The following DDX23 variants were observed in gnomAD, a reference collection of about 807,000 sequenced individuals.
DDX23 encodes the protein probable ATP-dependent RNA helicase DDX23.
In DDX23, 33 loss-of-function variants were observed where a neutral mutation model predicts 102.7. The observed-to-expected ratio is 0.32, with a 90% CI of 0.24 to 0.43. DDX23 has a LOEUF of 0.43. Among genes scored for constraint, DDX23 ranks in the 20% least tolerant of loss-of-function variants. DDX23 has a pLI of 1.00. For synonymous variants in DDX23, 352 were observed against 376.0 expected (o/e 0.94, Z 0.74); for missense variants, 549 against 1,086.6 (o/e 0.51, Z 6.96).
rs555533707 is a variant in DDX23, at chr12:48,837,132, CA to C, written c.867-96del. The C allele has an allele frequency of 2.1e-5, 33 of 1,573,230 alleles. No homozygotes were observed. The Middle Eastern group carries it at 6.1e-4, about 29-fold the overall frequency. On this transcript the variant is annotated intron_variant, in intron 8 of 16. Coordinates refer to ENST00000308025, the MANE Select transcript of DDX23 (RefSeq NM_004818.3). Reference sequence around the variant, plus strand: ...CTAGTATGAAACAGTTCTTCCCAGACAGGGTCTTTCTTCCACCAGAGGGCTG... The same window carrying C: ...CTAGTATGAAACAGTTCTTCCCAGACGGGTCTTTCTTCCACCAGAGGGCTG...
intron 3 of DDX23, among the ~76,000 whole-genome samples, chr12:48,843,068 A>T (rs1408964731): frequency 3.5e-4 from 53 of 150,352 alleles, no homozygotes; most frequent in African/African-American, 1.3e-3. Context: ...GTGGTGCAAG[A>T]TGTGCTTTGT....
rs1028215477 is a variant in DDX23 at position 48,845,434 on chromosome 12, A to G, written c.209+140T>C. ...CGCACCACTGCACTCCAGTCTGGGT[A>G]ACAAACAGAGCGAGACTCTGTCTCA... On this transcript the variant is annotated intron_variant, in intron 2 of 16. Transcript: ENST00000308025. 2.1e-5 allele frequency: 20 copies of G among 958,858 alleles called. No individual in the cohort carries two copies. In the African/African-American group the frequency reaches 3.1e-4, roughly 15 times the overall value. The allele number at this position is 958,858 out of a possible 1,614,324, so 59.4% of individuals were successfully genotyped here.
In DDX23 at chr12:48,830,196, T is replaced by G. The variant is rs1400943893; in HGVS notation, c.*273A>C. On this transcript the variant is annotated 3_prime_UTR_variant, in exon 17 of 17. Transcript: ENST00000308025. The surrounding 1 kb of genome is among the most constrained non-coding windows in gnomAD (Gnocchi z 4.9). ...GCTGCCCCCATAGCCTGGCATGAGC[T>G]GATGGCCCAGTGCAATCCCAAAGCA... The G allele has an allele frequency of 5.1e-6, 3 of 589,566 alleles. No homozygotes were observed. The African/African-American group carries it at 5.5e-5, about 11-fold the overall frequency. 36.5% of individuals were successfully genotyped at this position (589,566 alleles called of 1,614,324 possible).
At chr12:48,846,116 C>T (rs1295430334) in intron 1 of DDX23, among the ~76,000 whole-genome samples, 1 of 150,180 alleles carries the variant, frequency 6.7e-6, no homozygotes, top group East Asian at 2.0e-4. Context: ...TCAAGCCATC[C>T]TCCTGCCTTG....
chr12:48,837,625 T>C lies in DDX23; in HGVS notation c.652A>G (p.Arg218Gly). Residue 218 changes from arginine to glycine, a missense_variant, in exon 7 of 17, where the codon AGG becomes GGG. Transcript: ENST00000308025. Reference protein sequence around the residue: ...DPQERERRERRERMERETNGN... With the variant: ...DPQERERRERGERMERETNGN... The stretch of plus-strand genomic sequence containing the variant: ...TTGGTCTCCCGTTCCATCCTCTCCC[T>C]GCGTTCCCGACGTTCCCGTTCCTGA... The C allele has an allele frequency of 6.2e-7, 1 of 1,614,104 alleles. No homozygotes were observed. Among genetic ancestry groups the C allele is most frequent in the Non-Finnish European group, 8.5e-7 (1 of 1,180,022 alleles).
chr12:48,848,576 C>T (rs949768767), intron 1 of DDX23, among the ~76,000 whole-genome samples: 1 of 137,966 alleles, frequency 7.2e-6, no homozygotes, highest in African/African-American at 2.5e-5. Flanking sequence ...GCATGTTTGT[C>T]AGGTTTGTTT....
At chr12:48,846,331 CAA>C (rs1263122401) in intron 1 of DDX23, among the ~76,000 whole-genome samples, 1 of 152,182 alleles carries the variant, frequency 6.6e-6, no homozygotes, top group Non-Finnish European at 1.5e-5. Context: ...AATTAGACTA[CAA>C]AAGAGTATTA....
rs1311670060 is a variant in DDX23, at chr12:48,830,405, GGTTCTGAAAA to G, written c.*54_*63del. ...GAGGACCTGGAAAGAGGGATGTGAG[GGTTCTGAAAA>G]ACAGGCATCAGGCAGCTTTGGAGAT... On this transcript the variant is annotated 3_prime_UTR_variant, in exon 17 of 17. Coordinates refer to ENST00000308025, the MANE Select transcript of DDX23 (RefSeq NM_004818.3). This position sits in a 1 kb window ranked among gnomAD's most constrained non-coding sequence, Gnocchi z 4.9. The G allele has an allele frequency of 1.3e-6, 2 of 1,558,188 alleles. No individual in the cohort carries two copies. Among genetic ancestry groups the G allele is most frequent in the South Asian group, 2.2e-5 (2 of 89,262 alleles).
rs116327153 is a variant in DDX23 at position 48,834,941 on chromosome 12, T to A, written c.1383-444A>T. Among the ~76,000 whole-genome samples the A allele has an allele frequency of 7.4e-3, 1,083 of 147,178 alleles. 19 individuals are homozygous for A. The highest frequency in any genetic ancestry group is 0.026 in the African/African-American group (1,027 of 39,720). ...AGAGACACTCTGTCTCCAAAAAAAA[T>A]AAAAATAAAAATAAGTCCAGAGGCC... is the stretch of plus-strand genomic sequence containing the variant. On this transcript the variant is annotated intron_variant, in intron 11 of 16. Coordinates refer to ENST00000308025, the MANE Select transcript of DDX23 (RefSeq NM_004818.3).
chr12:48,831,321 T>C lies in DDX23; in HGVS notation c.2065-5A>G, dbSNP rs1395816497. ...GTGCAGTGTGCAAGCATTGTACTGT[T>C]GGAAGAATGGTGAAGTGAAGAGTGA... On this transcript the variant is annotated splice_region_variant and splice_polypyrimidine_tract_variant and intron_variant, in intron 15 of 16. Coordinates refer to ENST00000308025, the MANE Select transcript of DDX23 (RefSeq NM_004818.3). The C allele has an allele frequency of 6.2e-7, 1 of 1,614,008 alleles. No homozygotes were observed. The highest frequency in any genetic ancestry group is 1.7e-5 in the Admixed American group (1 of 60,016).
intron 2 of DDX23, 31 bp from the exon 3 acceptor site, chr12:48,844,081 G>C (rs1938621704): frequency 1.2e-6 from 2 of 1,607,408 alleles, no homozygotes; most frequent in Non-Finnish European, 1.7e-6. Flanking sequence ...GAGTTCACTT[G>C]GTATTTCCAA....
chr12:48,837,531 G>A lies in DDX23; in HGVS notation c.746C>T (p.Ala249Val). The stretch of plus-strand genomic sequence containing the variant: ...TGGAGCCAAGGCCTGCACCTTAATG[G>A]CATGCAGTTCCTTGCTCTTATCCTT... Reference protein sequence around the residue: ...EEKDKSKELHAIKERYLGGIK... With the variant: ...EEKDKSKELHVIKERYLGGIK... The change falls in exon 7 of 17, where the codon GCC becomes GTC. Residue 249 changes from alanine to valine, a missense_variant. Physicochemically the swap from Ala to Val is moderately conservative, Grantham distance 64. Coordinates refer to ENST00000308025, the MANE Select transcript of DDX23 (RefSeq NM_004818.3). 1 of 1,614,128 alleles carries A rather than the reference G, an allele frequency of 6.2e-7. No homozygotes were observed. Among genetic ancestry groups the A allele is most frequent in the Non-Finnish European group, 8.5e-7 (1 of 1,180,022 alleles).
chr12:48,838,453 G>A (rs1938496566), intron 5 of DDX23, among the ~76,000 whole-genome samples: 1 of 152,032 alleles, frequency 6.6e-6, no homozygotes, highest in Non-Finnish European at 1.5e-5. Context: ...AGGAGGCTGA[G>A]GCAGGAAAAT....
intron 1 of DDX23, among the ~76,000 whole-genome samples, chr12:48,849,245 C>G (rs1214959657): frequency 1.3e-5 from 2 of 152,022 alleles, no homozygotes; most frequent in South Asian, 2.1e-4. Context: ...GCCTGTAGTA[C>G]CAGCACCTTG....
At chr12:48,837,900 T>G (rs1938487533) in intron 6 of DDX23, 42 bp downstream of exon 6, 1 of 1,611,270 alleles carries the variant, frequency 6.2e-7, no homozygotes, top group Non-Finnish European at 8.5e-7. Context: ...ATCCCACTCT[T>G]TCCTCTTCCA....
chr12:48,849,607 C>T (rs1051465805), intron 1 of DDX23, among the ~76,000 whole-genome samples: 1 of 150,286 alleles, frequency 6.7e-6, no homozygotes, highest in Admixed American at 6.6e-5. Context: ...TGTTGTGAGC[C>T]GAGATAGTGC....
chr12:48,836,148 C>G lies in DDX23; in HGVS notation c.1355G>C (p.Trp452Ser). The change falls in exon 11 of 17, where the codon TGG becomes TCG. Residue 452 changes from tryptophan (W) to serine (S), a missense_variant. By Grantham distance (177) the Trp-to-Ser change is radical. Transcript: ENST00000308025. The surrounding 1 kb of genome is among the most constrained non-coding windows in gnomAD (Gnocchi z 6.1). ...TAAFLIPLLV[W>S]ITTLPKIDRI... ...GTCAATTTTGGGAAGTGTGGTGATC[C>G]AGACCAGCAGAGGGATGAGGAAGGC... 2 of 1,613,268 alleles carry G rather than the reference C, an allele frequency of 1.2e-6. No homozygotes were observed. Among genetic ancestry groups the G allele is most frequent in the Non-Finnish European group, 1.7e-6 (2 of 1,180,028 alleles).
chr12:48,839,647 G>T, intron 5 of DDX23, 197 bp downstream of exon 5: 1 of 557,040 alleles, frequency 1.8e-6, no homozygotes, highest in Non-Finnish European at 3.2e-6. Context: ...GGAGGACCAT[G>T]TGAAGAGCTG....
At chr12:48,849,534 C>T (rs539149992) in intron 1 of DDX23, among the ~76,000 whole-genome samples, 1 of 152,170 alleles carries the variant, frequency 6.6e-6, no homozygotes, top group South Asian at 2.1e-4. Flanking sequence ...TGATGTCAGG[C>T]ATCTGTAATC....
Sources: allele counts gnomAD v4.1 joint callset (sites outside exome capture counted in the v4.1 genomes callset), GRCh38; gene constraint gnomAD v4.1.1; non-coding constraint Gnocchi (gnomAD v3.1); transcripts MANE v1.5; gene names NCBI Gene and HGNC (gene_info 2026-07-23, HGNC 2026-07-21).